CHMP3: variants seen among roughly 807,000 people sequenced by gnomAD.
CHMP3 encodes the protein 25.1 protein.
Under a neutral mutation model 27.4 loss-of-function variants are expected in CHMP3, and 8 were observed. That is an observed-to-expected ratio of 0.29 (90% confidence interval 0.17 to 0.53). The LOEUF (loss-of-function observed/expected upper bound fraction) is 0.53. CHMP3 is among the 20% of genes least tolerant of loss of function. The probability of loss-of-function intolerance (pLI) is 0.96; values close to 1 mark genes in which losing one functional copy is unlikely to be tolerated. For missense variants in CHMP3, 208 were observed against 271.5 expected (o/e 0.77, Z 1.64); for synonymous variants, 86 against 85.5 (o/e 1.01, Z -0.03).
chr2:86,557,101 C>A (rs1677157910), intron 1 of CHMP3, among the ~76,000 whole-genome samples: 1 of 152,200 alleles, frequency 6.6e-6, no homozygotes, highest in African/African-American at 2.4e-5. Flanking sequence ...TCTATCTTCT[C>A]TCATCTCTTA....
At chr2:86,536,162 A>AT (rs1008032061) in intron 2 of CHMP3, among the ~76,000 whole-genome samples, 18 of 148,988 alleles carry the variant, frequency 1.2e-4, no homozygotes, top group African/African-American at 3.9e-4. Context: ...CGCCCGGCTA[A>AT]TTTTTTTTTG....
chr2:86,542,259 T>C lies in CHMP3; in HGVS notation c.99A>G (p.Gln33=), dbSNP rs201877731. ...CATAAAATGATAACTTACCCCTTATTTGCCTGTCAACAACTCTCATTTCCT... is the reference window on the plus strand; with the variant it reads ...CATAAAATGATAACTTACCCCTTATCTGCCTGTCAACAACTCTCATTTCCT... The part of the protein sequence containing the change: ...IRKEMRVVDR[Q]IRDIQREEEK... The change falls in exon 2 of 6, where the codon CAA becomes CAG. Residue 33 remains glutamine, a synonymous_variant. Coordinates refer to ENST00000263856, the MANE Select transcript of CHMP3 (RefSeq NM_016079.4). The C allele has an allele frequency of 2.9e-5, 47 of 1,613,416 alleles. No homozygotes were observed. Among genetic ancestry groups the C allele is most frequent in the Non-Finnish European group, 3.6e-5 (42 of 1,179,604 alleles).
chr2:86,527,069 A>T (rs1455273021), intron 3 of CHMP3: 1 of 151,768 alleles, frequency 6.6e-6, no homozygotes, highest in African/African-American at 2.4e-5. Flanking sequence ...TGCTTTTTTT[A>T]TATATATATA....
rs1674863692 is a variant in CHMP3 at position 86,505,778 on chromosome 2, T to G, written c.*26A>C. The stretch of plus-strand genomic sequence containing the variant: ...AATGGCAGCTCTTGAGAGGAGTGTG[T>G]GCACACCCAGCGGGGTAGGCAGCCC... On this transcript the variant is annotated 3_prime_UTR_variant, in exon 6 of 6. Coordinates refer to ENST00000263856, the MANE Select transcript of CHMP3 (RefSeq NM_016079.4). 4 of 1,544,982 alleles carry G rather than the reference T, an allele frequency of 2.6e-6. No individual in the cohort carries two copies. Among genetic ancestry groups the G allele is most frequent in the African/African-American group, 2.8e-5 (2 of 72,586 alleles).
At chr2:86,508,485 G>T (rs1050225299) in intron 4 of CHMP3, among the ~76,000 whole-genome samples, 1 of 152,224 alleles carries the variant, frequency 6.6e-6, no homozygotes, top group Non-Finnish European at 1.5e-5. Context: ...GGTACTGGGG[G>T]TGCTGAGTGG....
intron 1 of CHMP3, among the ~76,000 whole-genome samples, chr2:86,552,248 T>G (rs1175005813): frequency 2.0e-5 from 3 of 152,194 alleles, no homozygotes; most frequent in African/African-American, 7.2e-5. Context: ...GGAGAGAGAA[T>G]GCAGTTGATA....
At chr2:86,505,980 A>G in intron 5 of CHMP3, 31 bp from the exon 6 acceptor site, 1 of 1,512,822 alleles carries the variant, frequency 6.6e-7, no homozygotes, top group Non-Finnish European at 8.9e-7. Context: ...TGAACACCAC[A>G]TTGGCTTAAG....
intron 2 of CHMP3, among the ~76,000 whole-genome samples, chr2:86,537,567 T>C (rs1676197845): frequency 6.6e-6 from 1 of 152,212 alleles, no homozygotes; most frequent in Non-Finnish European, 1.5e-5. Context: ...GAAAACTGAA[T>C]GTTTGAATCT....
At chr2:86,516,972 G>A (rs1675332021) in intron 3 of CHMP3, among the ~76,000 whole-genome samples, 1 of 152,180 alleles carries the variant, frequency 6.6e-6, no homozygotes, top group East Asian at 1.9e-4. Flanking sequence ...TATCCTGATT[G>A]TGAGATTGTA....
At chr2:86,534,196 C>CTTTT (rs33977886) in intron 2 of CHMP3, among the ~76,000 whole-genome samples, 4 of 66,902 alleles carry the variant, frequency 6.0e-5, no homozygotes, top group Non-Finnish European at 8.1e-5. Context: ...TGCTTTATTT[C>CTTTT]TTTTTTTTTT....
intron 1 of CHMP3, among the ~76,000 whole-genome samples, chr2:86,556,887 G>A (rs564568162): frequency 1.3e-5 from 2 of 152,218 alleles, no homozygotes; most frequent in South Asian, 2.1e-4. Context: ...CAGGATCTGC[G>A]GGTCGGACCC....
At chr2:86,523,173 A>C in intron 3 of CHMP3, among the ~76,000 whole-genome samples, 1 of 151,814 alleles carries the variant, frequency 6.6e-6, no homozygotes, top group African/African-American at 2.4e-5. Flanking sequence ...TCGGTACCCA[A>C]CCTCCCAGAC....
At chr2:86,508,478 A>G (rs1674968889) in intron 4 of CHMP3, among the ~76,000 whole-genome samples, 1 of 152,210 alleles carries the variant, frequency 6.6e-6, no homozygotes, top group East Asian at 1.9e-4. Context: ...CAGAACAGGT[A>G]CTGGGGGTGC....
At chr2:86,513,376 C>A (rs1280885780) in intron 3 of CHMP3, among the ~76,000 whole-genome samples, 3 of 152,144 alleles carry the variant, frequency 2.0e-5, no homozygotes, top group Admixed American at 2.0e-4. Context: ...ATAAACAGCA[C>A]AGAGAATTTT....
Position 86,504,872 on chromosome 2 carries a change from A to G in CHMP3, c.*932T>C, listed in dbSNP as rs546493545. 1 of 152,180 alleles carries G rather than the reference A, an allele frequency of 6.6e-6. No individual in the cohort carries two copies. The highest frequency in any genetic ancestry group is 2.4e-5 in the African/African-American group (1 of 41,434). 9.4% of individuals were successfully genotyped at this position (152,180 alleles called of 1,614,324 possible). The stretch of plus-strand genomic sequence containing the variant: ...GTAAAGACTAAGATCGCGTATGTCA[A>G]AGAGCTCTGTAAACTCTCAACACAT... On this transcript the variant is annotated 3_prime_UTR_variant, in exon 6 of 6. Coordinates refer to ENST00000263856, the MANE Select transcript of CHMP3 (RefSeq NM_016079.4).
intron 3 of CHMP3, among the ~76,000 whole-genome samples, chr2:86,518,452 G>A (rs1558646867): frequency 6.6e-6 from 1 of 151,890 alleles, no homozygotes; most frequent in Non-Finnish European, 1.5e-5. Flanking sequence ...GTTTATTTAT[G>A]ACTTACATGC....
chr2:86,525,381 A>G (rs1675661957), intron 3 of CHMP3, among the ~76,000 whole-genome samples: 3 of 152,166 alleles, frequency 2.0e-5, no homozygotes, highest in Admixed American at 2.0e-4. Flanking sequence ...GCTACAGGTA[A>G]AATACTTGAT....
chr2:86,525,196 T>C (rs1293940437), intron 3 of CHMP3, among the ~76,000 whole-genome samples: 4 of 152,224 alleles, frequency 2.6e-5, no homozygotes, highest in African/African-American at 9.6e-5. Context: ...GCTTTAATTA[T>C]GTGTATTTTA....
intron 3 of CHMP3, among the ~76,000 whole-genome samples, chr2:86,524,838 T>C (rs921756543): frequency 6.6e-6 from 1 of 152,210 alleles, no homozygotes; most frequent in African/African-American, 2.4e-5. Flanking sequence ...TGCTTTTGTA[T>C]ATGCTTAATA....
Sources: allele counts gnomAD v4.1 joint callset (sites outside exome capture counted in the v4.1 genomes callset), GRCh38; gene constraint gnomAD v4.1.1; transcripts MANE v1.5; gene names NCBI Gene and HGNC (gene_info 2026-07-23, HGNC 2026-07-21).